Variants in THBS4 observed in about 807,000 individuals in gnomAD.
THBS4 encodes thrombospondin-4.
Under a neutral mutation model 115.7 loss-of-function variants are expected in THBS4, and 90 were observed. That is an observed-to-expected ratio of 0.78 (90% CI 0.66 to 0.93). The LOEUF is 0.93. Ranked by LOEUF, THBS4 falls within the 40% of genes least tolerant of loss-of-function variation. THBS4 has a pLI of 0.00. For synonymous variants in THBS4, 460 were observed against 479.3 expected (o/e 0.96, Z 0.53); for missense variants, 1,087 against 1,232.7 (o/e 0.88, Z 1.77).
intron 2 of THBS4, among the ~76,000 whole-genome samples, chr5:80,027,977 T>C (rs1275008266): frequency 6.7e-6 from 1 of 148,492 alleles, no homozygotes; most frequent in Non-Finnish European, 1.5e-5. Flanking sequence ...TCGACCTAAA[T>C]CAAAATACGT....
In THBS4 at chr5:80,079,059, C is replaced by A; in HGVS notation, c.2315-3C>A. The A allele has an allele frequency of 6.2e-7, 1 of 1,612,918 alleles. No individual in the cohort carries two copies. The highest frequency in any genetic ancestry group is 1.3e-5 in the African/African-American group (1 of 75,036). ...TTGTTCTAATCTTATCTGGTCCCTA[C>A]AGGGTACACAGCTTTTAATGGAGTT... is the stretch of plus-strand genomic sequence containing the variant. On this transcript the variant is annotated splice_polypyrimidine_tract_variant and splice_region_variant and intron_variant, in intron 18 of 21. Coordinates refer to ENST00000350881, the MANE Select transcript of THBS4 (RefSeq NM_003248.6).
chr5:80,038,944 C>T (rs922438815), intron 1 of THBS4, among the ~76,000 whole-genome samples: 7 of 152,066 alleles, frequency 4.6e-5, no homozygotes, highest in East Asian at 1.9e-4. Flanking sequence ...TTTTCCAATT[C>T]GATGGTGAAA....
intron 14 of THBS4, 69 bp downstream of exon 14, chr5:80,072,465 G>A: frequency 7.0e-7 from 1 of 1,424,898 alleles, no homozygotes; most frequent in Admixed American, 1.8e-5. Flanking sequence ...TTTAAGACGG[G>A]TGTCTAGAAA....
At chr5:80,007,309 A>C (rs1310592684) in intron 2 of THBS4, among the ~76,000 whole-genome samples, 2 of 152,248 alleles carry the variant, frequency 1.3e-5, no homozygotes, top group East Asian at 3.8e-4. Context: ...TTATGGTAGT[A>C]ATTTTTTCCA....
At chr5:80,049,172 C>A (rs1833172004) in intron 2 of THBS4, among the ~76,000 whole-genome samples, 1 of 152,210 alleles carries the variant, frequency 6.6e-6, no homozygotes, top group Non-Finnish European at 1.5e-5. Flanking sequence ...ACTACCAGGT[C>A]CACTTTTCAA....
At chr5:79,999,423 C>T (rs1050695035) in intron 2 of THBS4, among the ~76,000 whole-genome samples, 2 of 152,164 alleles carry the variant, frequency 1.3e-5, no homozygotes, top group Non-Finnish European at 2.9e-5. Flanking sequence ...AGTAAATTCA[C>T]ATGCCTCCTT....
intron 2 of THBS4, among the ~76,000 whole-genome samples, chr5:80,000,418 C>A (rs985919506): frequency 6.6e-6 from 1 of 152,158 alleles, no homozygotes; most frequent in Non-Finnish European, 1.5e-5. Flanking sequence ...CCTCTCTTTC[C>A]ATTGCATTTT....
intron 2 of THBS4, among the ~76,000 whole-genome samples, chr5:80,005,715 G>C (rs1832000759): frequency 6.6e-6 from 1 of 151,446 alleles, no homozygotes; most frequent in Admixed American, 6.6e-5. Flanking sequence ...ATATGTTAGA[G>C]ATGTTTATAA....
At chr5:80,000,303 A>G (rs1831871202) in intron 2 of THBS4, among the ~76,000 whole-genome samples, 2 of 152,196 alleles carry the variant, frequency 1.3e-5, no homozygotes, top group Non-Finnish European at 2.9e-5. Flanking sequence ...TATTACAAGA[A>G]CAGAACTTTT....
chr5:80,008,445 C>T (rs969709101), intron 2 of THBS4, among the ~76,000 whole-genome samples: 2 of 152,070 alleles, frequency 1.3e-5, no homozygotes, highest in African/African-American at 2.4e-5. Flanking sequence ...GATGGAGTCT[C>T]ACTCTGTCGC....
In THBS4 at chr5:80,072,299, A is replaced by G. The variant is rs143241260; in HGVS notation, c.1742A>G (p.Asn581Ser). 680 of 1,614,044 alleles carry G rather than the reference A, an allele frequency of 4.2e-4. 1 individual carries two copies. Among genetic ancestry groups the G allele is most frequent in the Non-Finnish European group, 5.6e-4 (656 of 1,180,040 alleles). Residue 581 changes from asparagine to serine, a missense_variant, in exon 14 of 22, where the codon AAC becomes AGC. Transcript: ENST00000350881. ...DGDGIKNILD[N>S]CPKFPNRDQR... ...ACAGGAATAAAAAACATTCTGGACA[A>G]CTGCCCAAAATTTCCCAATCGTGAC...
intron 16 of THBS4, among the ~76,000 whole-genome samples, chr5:80,077,309 C>T (rs945307068): frequency 7.2e-5 from 11 of 152,206 alleles, no homozygotes; most frequent in African/African-American, 2.7e-4. Context: ...GTCAGGGAAG[C>T]AGCCACACAC....
At chr5:79,996,418 G>A (rs1434630195) in intron 1 of THBS4, among the ~76,000 whole-genome samples, 3 of 152,000 alleles carry the variant, frequency 2.0e-5, no homozygotes, top group Admixed American at 6.5e-5. Flanking sequence ...TTGGAAATCC[G>A]GATTTTAGTA....
At chr5:80,063,344 G>C (rs1365547454) in intron 8 of THBS4, among the ~76,000 whole-genome samples, 1 of 152,140 alleles carries the variant, frequency 6.6e-6, no homozygotes, top group East Asian at 1.9e-4. Context: ...AGAAGTGTCT[G>C]TTCATATCCT....
In THBS4 at chr5:80,078,913, C is replaced by A. The variant is rs768157819; in HGVS notation, c.2266-8C>A. ...GACTGTTCTGAACTCCCTCAACTCT[C>A]TCTGCAGGGCATGGAGATTGTACAG... On this transcript the variant is annotated splice_polypyrimidine_tract_variant and splice_region_variant and intron_variant, in intron 17 of 21. Transcript: ENST00000350881. 1 of 1,613,652 alleles carries A rather than the reference C, an allele frequency of 6.2e-7. No individual in the cohort carries two copies. Among genetic ancestry groups the A allele is most frequent in the Non-Finnish European group, 8.5e-7 (1 of 1,179,640 alleles).
intron 2 of THBS4, chr5:80,019,541 T>C (rs1832319108): frequency 1.3e-5 from 2 of 152,220 alleles, no homozygotes; most frequent in African/African-American, 2.4e-5. Context: ...TGCTGAAGTA[T>C]TGAAGGGTAA....
chr5:80,035,500 C>T lies in THBS4; in HGVS notation c.-38C>T. On this transcript the variant is annotated 5_prime_UTR_variant, in exon 1 of 22. Transcript: ENST00000350881. The surrounding 1 kb of genome is among the most constrained non-coding windows in gnomAD (Gnocchi z 4.6). Reference sequence around the variant, plus strand: ...GACCCCCAGGCGGGGCCAACGCCGCCGTCGCCCCCGGCCTCGCGGGGAGCA... The same window carrying T: ...GACCCCCAGGCGGGGCCAACGCCGCTGTCGCCCCCGGCCTCGCGGGGAGCA... 2.3e-6 allele frequency: 3 copies of T among 1,291,102 alleles called. No homozygotes were observed. The highest frequency in any genetic ancestry group is 2.0e-6 in the Non-Finnish European group (2 of 1,018,322). The allele number at this position is 1,291,102 out of a possible 1,614,324, so 80.0% of individuals were successfully genotyped here.
chr5:80,069,621 G>A (rs1217150754), intron 10 of THBS4, among the ~76,000 whole-genome samples: 1 of 152,224 alleles, frequency 6.6e-6, no homozygotes, highest in Non-Finnish European at 1.5e-5. Context: ...GAATCTGCCA[G>A]AAAATAGCTC....
intron 2 of THBS4, among the ~76,000 whole-genome samples, chr5:80,050,938 C>G (rs1833234197): frequency 6.6e-6 from 1 of 152,148 alleles, no homozygotes; most frequent in African/African-American, 2.4e-5. Flanking sequence ...GGGTGGTGGC[C>G]AGGCAGAGGT....
Sources: allele counts gnomAD v4.1 joint callset (sites outside exome capture counted in the v4.1 genomes callset), GRCh38; gene constraint gnomAD v4.1.1; non-coding constraint Gnocchi (gnomAD v3.1); transcripts MANE v1.5; gene names NCBI Gene and HGNC (gene_info 2026-07-23, HGNC 2026-07-21).